Variants in NRXN3 observed in about 807,000 individuals in gnomAD.
The protein encoded by NRXN3 is neurexin 3.
In NRXN3, 32 loss-of-function variants were observed where a neutral mutation model predicts 137.6. The ratio of observed to expected loss-of-function variants is 0.23; its 90% confidence interval spans 0.18 to 0.31. The LOEUF is 0.31. NRXN3 is among the 10% of genes least tolerant of loss of function. The pLI is 1.00. For synonymous variants in NRXN3, 798 were observed against 784.5 expected, an observed-to-expected ratio of 1.02 and a Z score of -0.29; for missense variants, 1,574 against 2,062.5, an observed-to-expected ratio of 0.76 and a Z score of 4.59.
intron 15 of NRXN3, among the ~76,000 whole-genome samples, chr14:79,155,796 TA>T (rs1412883096): frequency 6.6e-6 from 1 of 151,778 alleles, no homozygotes; most frequent in Non-Finnish European, 1.5e-5. Context: ...AAAGAAAACT[TA>T]AAAGTTAATA....
chr14:79,289,473 A>C (rs2082805709), intron 15 of NRXN3, among the ~76,000 whole-genome samples: 1 of 152,160 alleles, frequency 6.6e-6, no homozygotes, highest in South Asian at 2.1e-4. Flanking sequence ...TAAAAAAATT[A>C]GCTGGGCGTG....
chr14:78,395,987 A>G (rs1479330318), intron 4 of NRXN3, among the ~76,000 whole-genome samples: 1 of 151,826 alleles, frequency 6.6e-6, no homozygotes, highest in Non-Finnish European at 1.5e-5. Flanking sequence ...TAATATCATC[A>G]TTTATATGTA....
At chr14:78,444,910 ACT>A (rs2094371202) in intron 4 of NRXN3, among the ~76,000 whole-genome samples, 1 of 127,546 alleles carries the variant, frequency 7.8e-6, no homozygotes, top group African/African-American at 3.2e-5. Flanking sequence ...TAAGGGCAAA[ACT>A]CTGTCTCAAA....
At chr14:78,852,156 A>T (rs2099044383) in intron 10 of NRXN3, among the ~76,000 whole-genome samples, 1 of 152,170 alleles carries the variant, frequency 6.6e-6, no homozygotes, top group African/African-American at 2.4e-5. Context: ...AAAATACTTG[A>T]TCATCTCACT....
chr14:78,494,884 G>A (rs1232775110), intron 4 of NRXN3, among the ~76,000 whole-genome samples: 1 of 130,110 alleles, frequency 7.7e-6, no homozygotes, highest in African/African-American at 2.6e-5. Context: ...TCAGAGTGAG[G>A]TGTGTTTTTA....
At chr14:79,379,951 A>G (rs1377859952) in intron 15 of NRXN3, among the ~76,000 whole-genome samples, 2 of 151,874 alleles carry the variant, frequency 1.3e-5, no homozygotes, top group African/African-American at 4.8e-5. Flanking sequence ...AGGCCAGTGT[A>G]TAGGTGGGAA....
At chr14:79,215,401 G>GTATA (rs60155801) in intron 15 of NRXN3, among the ~76,000 whole-genome samples, 1 of 151,676 alleles carries the variant, frequency 6.6e-6, no homozygotes, top group African/African-American at 2.4e-5. Flanking sequence ...GTGTGTGTGT[G>GTATA]TATATATATA....
intron 4 of NRXN3, among the ~76,000 whole-genome samples, chr14:78,385,815 C>A (rs2089891297): frequency 6.6e-6 from 1 of 152,130 alleles, no homozygotes; most frequent in East Asian, 1.9e-4. Flanking sequence ...CCATTTACTG[C>A]AGTCTTGTCC....
intron 10 of NRXN3, among the ~76,000 whole-genome samples, chr14:78,889,588 A>G (rs1294096657): frequency 6.6e-6 from 1 of 152,000 alleles, no homozygotes; most frequent in Non-Finnish European, 1.5e-5. Context: ...TTATATGTAC[A>G]TTTACTTACT....
At chr14:79,807,071 G>A (rs370418455) in intron 20 of NRXN3, among the ~76,000 whole-genome samples, 7 of 142,236 alleles carry the variant, frequency 4.9e-5, no homozygotes, top group Non-Finnish European at 9.0e-5. Context: ...TTAAACTCCC[G>A]GGCTCAAGTG....
chr14:78,892,896 G>A (rs1192285081), intron 10 of NRXN3, among the ~76,000 whole-genome samples: 1 of 151,340 alleles, frequency 6.6e-6, no homozygotes, highest in Non-Finnish European at 1.5e-5. Context: ...AAAAAATGTT[G>A]CTGCTTGCTA....
chr14:78,967,532 G>A (rs2099421664), intron 13 of NRXN3, 134 bp downstream of exon 13: 5 of 664,866 alleles, frequency 7.5e-6, no homozygotes, highest in Non-Finnish European at 1.3e-5. Flanking sequence ...TAACAATGTT[G>A]AATTATCCTG....
intron 4 of NRXN3, among the ~76,000 whole-genome samples, chr14:78,613,576 T>C (rs890036550): frequency 2.3e-5 from 3 of 132,864 alleles, no homozygotes; most frequent in Non-Finnish European, 3.1e-5. Flanking sequence ...CTCACAACCA[T>C]AGTTTTTTTT....
At chr14:79,352,625 A>G (rs2093264835) in intron 15 of NRXN3, among the ~76,000 whole-genome samples, 1 of 152,154 alleles carries the variant, frequency 6.6e-6, no homozygotes. Flanking sequence ...AAGTTTTAAA[A>G]CAGAATAAAA....
At chr14:78,524,670 C>G (rs2096349287) in intron 4 of NRXN3, among the ~76,000 whole-genome samples, 1 of 152,150 alleles carries the variant, frequency 6.6e-6, no homozygotes, top group Non-Finnish European at 1.5e-5. Flanking sequence ...CACTCTGAAA[C>G]TTCATGAGCC....
intron 16 of NRXN3, among the ~76,000 whole-genome samples, chr14:79,467,809 G>A (rs2096450464): frequency 6.6e-6 from 1 of 152,170 alleles, no homozygotes; most frequent in South Asian, 2.1e-4. Context: ...GAGACGTATA[G>A]TAAATATTTT....
chr14:79,634,288 A>G (rs1477931400), intron 16 of NRXN3, among the ~76,000 whole-genome samples: 2 of 151,200 alleles, frequency 1.3e-5, no homozygotes, highest in Non-Finnish European at 2.9e-5. Context: ...GGGCTAGTCC[A>G]GGAATCATGA....
In NRXN3 at chr14:78,408,371, G is replaced by A. The variant is rs565080601; in HGVS notation, c.757+110511G>A. Among the ~76,000 whole-genome samples the A allele has an allele frequency of 2.0e-5, 3 of 152,174 alleles. No homozygotes were observed. The South Asian group carries it at 6.2e-4, about 32-fold the overall frequency. The stretch of plus-strand genomic sequence containing the variant: ...CCTGTTTACACTTCTGATCTCCAAA[G>A]CATATGTCAGAACAAGAAGAGAATA... On this transcript the variant is annotated intron_variant, in intron 4 of 20. Transcript: ENST00000335750.
intron 4 of NRXN3, among the ~76,000 whole-genome samples, chr14:78,584,373 G>A (rs2097037929): frequency 6.6e-6 from 1 of 152,044 alleles, no homozygotes; most frequent in Non-Finnish European, 1.5e-5. Flanking sequence ...GTTCTAAAAA[G>A]GCTATGGTCC....
Sources: allele counts gnomAD v4.1 joint callset (sites outside exome capture counted in the v4.1 genomes callset), GRCh38; gene constraint gnomAD v4.1.1; transcripts MANE v1.5; gene names NCBI Gene and HGNC (gene_info 2026-07-23, HGNC 2026-07-21).